Variants in ITPR2 observed in about 807,000 individuals in gnomAD.
ITPR2 encodes inositol 1,4,5-trisphosphate-gated calcium channel ITPR2.
A neutral mutation model predicts 317.1 loss-of-function variants in ITPR2; 207 were observed. The ratio of observed to expected loss-of-function variants is 0.65; its 90% CI spans 0.58 to 0.73. ITPR2 has a LOEUF of 0.73. Among genes scored for constraint, ITPR2 ranks in the 30% least tolerant of loss-of-function variants. The pLI is 0.00. For missense variants in ITPR2, 2,613 were observed against 3,284.0 expected (o/e 0.80, Z 4.99); for synonymous variants, 1,156 against 1,149.1 (o/e 1.01, Z -0.12).
At chr12:26,741,696 T>C (rs1949231625) in intron 2 of ITPR2, among the ~76,000 whole-genome samples, 1 of 152,230 alleles carries the variant, frequency 6.6e-6, no homozygotes, top group Admixed American at 6.5e-5. Context: ...TGCGTGTGTG[T>C]GTGTGCATTC....
chr12:26,541,293 G>T (rs1027518999), intron 37 of ITPR2, among the ~76,000 whole-genome samples: 1 of 152,120 alleles, frequency 6.6e-6, no homozygotes, highest in Admixed American at 6.5e-5. Flanking sequence ...CTCCAGCATG[G>T]GTGACAAGAG....
In ITPR2 at chr12:26,500,138, T is replaced by C. The variant is rs565890710; in HGVS notation, c.5074-4878A>G. ...TCTGACTTAAGCGGTGAGAGACATG[T>C]ACTGTGTCCCAATTTGCTTTTGGGG... On this transcript the variant is annotated intron_variant, in intron 37 of 56. Transcript: ENST00000381340. 2.0e-5 allele frequency among the ~76,000 whole-genome samples: 3 copies of C among 152,372 alleles called. No individual in the cohort carries two copies. The South Asian group carries it at 6.2e-4, about 32-fold the overall frequency.
At chr12:26,619,482 G>A (rs1017922366) in intron 26 of ITPR2, among the ~76,000 whole-genome samples, 2 of 152,194 alleles carry the variant, frequency 1.3e-5, no homozygotes, top group African/African-American at 4.8e-5. Flanking sequence ...CTCCACTGGT[G>A]TAGAGTTTTA....
chr12:26,727,130 T>C (rs1011067809), intron 2 of ITPR2, among the ~76,000 whole-genome samples: 1 of 152,230 alleles, frequency 6.6e-6, no homozygotes, highest in African/African-American at 2.4e-5. Flanking sequence ...ACGGACAGCC[T>C]GGAAAATGTT....
chr12:26,747,789 G>T (rs1206668999), intron 2 of ITPR2, among the ~76,000 whole-genome samples: 2 of 152,178 alleles, frequency 1.3e-5, no homozygotes, highest in Non-Finnish European at 1.5e-5. Context: ...AAATGCAAAT[G>T]TTTCTCTTCT....
intron 2 of ITPR2, among the ~76,000 whole-genome samples, chr12:26,741,180 A>G (rs1201765384): frequency 6.6e-6 from 1 of 152,250 alleles, no homozygotes; most frequent in Non-Finnish European, 1.5e-5. Context: ...GCTTGGGGTG[A>G]GCACATCCCA....
chr12:26,404,463 T>C lies in ITPR2; in HGVS notation c.7400-4205A>G, dbSNP rs115848409. 8.7e-3 allele frequency among the ~76,000 whole-genome samples: 1,328 copies of C among 152,234 alleles called. 14 individuals carry two copies. The highest frequency in any genetic ancestry group is 0.027 in the African/African-American group (1,133 of 41,520). ...CTGTGATCCAAATTAAGGAAGACAA[T>C]AATTTTAAAGATGTCAAAATTGCAG... On this transcript the variant is annotated intron_variant, in intron 52 of 56. Transcript: ENST00000381340.
At chr12:26,516,148 G>A (rs1943484779) in intron 37 of ITPR2, among the ~76,000 whole-genome samples, 2 of 113,230 alleles carry the variant, frequency 1.8e-5, no homozygotes, top group South Asian at 3.4e-4. Flanking sequence ...AAGAAAAGAC[G>A]AAGAAAAGAG....
At chr12:26,340,665 G>C (rs2136539675) in intron 55 of ITPR2, among the ~76,000 whole-genome samples, 1 of 152,282 alleles carries the variant, frequency 6.6e-6, no homozygotes, top group East Asian at 1.9e-4. Context: ...GTGTGTGTGG[G>C]TACAGCATAG....
intron 34 of ITPR2, among the ~76,000 whole-genome samples, chr12:26,575,518 GCCTTCT>G (rs1320267849): frequency 2.0e-5 from 3 of 151,996 alleles, no homozygotes; most frequent in Non-Finnish European, 4.4e-5. Context: ...AAGAAGGCAT[GCCTTCT>G]CACAAAGAGA....
chr12:26,574,861 A>C (rs1003024849), intron 34 of ITPR2, among the ~76,000 whole-genome samples: 6 of 151,962 alleles, frequency 3.9e-5, no homozygotes, highest in Non-Finnish European at 7.4e-5. Flanking sequence ...GAACTCACCA[A>C]GCAAGAACTC....
intron 2 of ITPR2, among the ~76,000 whole-genome samples, chr12:26,738,598 G>A (rs953947202): frequency 1.3e-5 from 2 of 151,266 alleles, no homozygotes; most frequent in Admixed American, 6.6e-5. Flanking sequence ...TCTTTTTGTC[G>A]GTTTTTGAGA....
At chr12:26,786,580 A>T (rs918841655) in intron 2 of ITPR2, among the ~76,000 whole-genome samples, 3 of 152,194 alleles carry the variant, frequency 2.0e-5, no homozygotes, top group African/African-American at 7.2e-5. Context: ...GCTGTCCATC[A>T]GGTTTGAAAT....
chr12:26,797,566 A>G (rs962464166), intron 1 of ITPR2, among the ~76,000 whole-genome samples: 8 of 152,246 alleles, frequency 5.3e-5, no homozygotes, highest in Non-Finnish European at 8.8e-5. Flanking sequence ...ATGCATTTAA[A>G]TAAAATGAAT....
At chr12:26,596,780 T>C (rs1367839662) in intron 31 of ITPR2, 103 bp downstream of exon 31, 3 of 898,874 alleles carry the variant, frequency 3.3e-6, no homozygotes, top group African/African-American at 1.7e-5. Context: ...ACTAAATATA[T>C]GATCTCATTA....
At chr12:26,683,116 C>A (rs1024182253) in intron 11 of ITPR2, among the ~76,000 whole-genome samples, 1 of 152,184 alleles carries the variant, frequency 6.6e-6, no homozygotes, top group Non-Finnish European at 1.5e-5. Flanking sequence ...TAATTGTCTG[C>A]ATGTGAAAGT....
intron 37 of ITPR2, among the ~76,000 whole-genome samples, chr12:26,498,633 C>T (rs1056169296): frequency 6.6e-6 from 1 of 152,188 alleles, no homozygotes; most frequent in Admixed American, 6.5e-5. Flanking sequence ...ATGGATCTCA[C>T]CTCTACAGAC....
At position 26,580,070 on chromosome 12, in the gene ITPR2, C is replaced by G; in HGVS notation, c.4466G>C (p.Gly1489Ala). Residue 1489 changes from glycine to alanine, a missense_variant, in exon 33 of 57, where the codon GGC becomes GCC. Gly to Ala is a moderately conservative substitution (Grantham distance 60). This residue lies in a region of ITPR2 where 926 missense variants were observed against 1,072.8 expected (regional missense o/e 0.86). Transcript: ENST00000381340. ...VTESIMNIVS[G>A]FFNSPFSDNS... Reference sequence around the variant, plus strand: ...GTCTGAAAAGGGAGAATTAAAGAAGCCGCTCACAATATTCATTATTGACTC... The same window carrying G: ...GTCTGAAAAGGGAGAATTAAAGAAGGCGCTCACAATATTCATTATTGACTC... The G allele has an allele frequency of 1.2e-6, 2 of 1,611,768 alleles. No individual in the cohort carries two copies. The highest frequency in any genetic ancestry group is 2.2e-5 in the East Asian group (1 of 44,828).
chr12:26,714,774 C>T (rs1011367088), intron 8 of ITPR2, among the ~76,000 whole-genome samples: 38 of 152,166 alleles, frequency 2.5e-4, no homozygotes, highest in African/African-American at 9.2e-4. Context: ...TCCTTAATTA[C>T]TCTACCATGT....
Sources: gnomAD v4.1 joint callset for allele counts (sites outside exome capture counted in the v4.1 genomes callset) on GRCh38, gnomAD v4.1.1 for gene constraint, gnomAD v4.1.1 regional missense constraint, MANE v1.5 for transcripts, NCBI Gene and HGNC (gene_info 2026-07-23, HGNC 2026-07-21) for gene names.